Variants in DGKB observed in about 807,000 individuals in gnomAD.
DGKB encodes the protein 90 kDa diacylglycerol kinase.
A neutral mutation model predicts 114.3 loss-of-function variants in DGKB; 67 were observed. The ratio of observed to expected loss-of-function variants is 0.59; its 90% confidence interval spans 0.48 to 0.72. The LOEUF (loss-of-function observed/expected upper bound fraction) is 0.72. Ranked by LOEUF, DGKB falls within the 30% of genes least tolerant of loss-of-function variation. The pLI is 0.00. For missense variants in DGKB, 907 were observed against 975.2 expected (o/e 0.93, Z 0.93); for synonymous variants, 398 against 323.1 (o/e 1.23, Z -2.49).
At chr7:14,798,596 A>G (rs908967248) in intron 2 of DGKB, among the ~76,000 whole-genome samples, 1 of 152,206 alleles carries the variant, frequency 6.6e-6, no homozygotes, top group Non-Finnish European at 1.5e-5. Context: ...TCCCTACAGT[A>G]CACTGGGGAA....
At chr7:14,446,842 G>A (rs932503147) in intron 21 of DGKB, among the ~76,000 whole-genome samples, 1 of 152,106 alleles carries the variant, frequency 6.6e-6, no homozygotes, top group Admixed American at 6.6e-5. Flanking sequence ...GGCTGGCTAG[G>A]CAGATAGAGA....
chr7:14,184,587 A>T (rs1385362259), intron 23 of DGKB, among the ~76,000 whole-genome samples: 1 of 151,918 alleles, frequency 6.6e-6, no homozygotes. Context: ...GGGACCTGCA[A>T]ATCTCATCCC....
At chr7:14,826,345 A>T (rs555197536) in intron 2 of DGKB, among the ~76,000 whole-genome samples, 1 of 152,272 alleles carries the variant, frequency 6.6e-6, no homozygotes, top group Admixed American at 6.5e-5. Context: ...CACTTTCAAA[A>T]TTATCCTTTC....
chr7:14,850,135 T>C (rs181716541), intron 1 of DGKB, among the ~76,000 whole-genome samples: 7 of 152,280 alleles, frequency 4.6e-5, no homozygotes, highest in East Asian at 1.9e-4. Context: ...TAAATGACAA[T>C]TGAAGCATCC....
chr7:14,151,196 G>C (rs1264930053), intron 25 of DGKB, among the ~76,000 whole-genome samples: 1 of 151,910 alleles, frequency 6.6e-6, no homozygotes, highest in Non-Finnish European at 1.5e-5. Flanking sequence ...TGAGATTTCG[G>C]GTTCATAATT....
At chr7:14,456,463 A>T (rs1194572383) in intron 21 of DGKB, among the ~76,000 whole-genome samples, 1 of 152,082 alleles carries the variant, frequency 6.6e-6, no homozygotes, top group Non-Finnish European at 1.5e-5. Context: ...ATACCTGCAC[A>T]AAACAATCCT....
chr7:14,259,407 CTA>C (rs71975347), intron 23 of DGKB, among the ~76,000 whole-genome samples: 18,410 of 107,496 alleles, frequency 0.17, 1,392 homozygotes, highest in African/African-American at 0.27. Context: ...CTCTCTCTCT[CTA>C]TATATATATA....
At chr7:14,955,823 A>C (rs1191485723) in intron 1 of DGKB, among the ~76,000 whole-genome samples, 1 of 152,060 alleles carries the variant, frequency 6.6e-6, no homozygotes, top group Non-Finnish European at 1.5e-5. Context: ...GGTAATCACC[A>C]TGTAAGTAAT....
intron 5 of DGKB, among the ~76,000 whole-genome samples, chr7:14,720,957 C>A (rs2128357684): frequency 6.6e-6 from 1 of 152,064 alleles, no homozygotes; most frequent in East Asian, 1.9e-4. Flanking sequence ...TTGGCGCTGA[C>A]CCTTGACATG....
chr7:14,972,741 G>C (rs1305111155), intron 1 of DGKB, among the ~76,000 whole-genome samples: 1 of 151,524 alleles, frequency 6.6e-6, no homozygotes, highest in Non-Finnish European at 1.5e-5. Flanking sequence ...TAGGAAATTG[G>C]ATTCTAAGTT....
intron 8 of DGKB, 41 bp from the exon 9 acceptor site, chr7:14,694,235 T>C (rs1585716236): frequency 6.5e-7 from 1 of 1,530,948 alleles, no homozygotes; most frequent in African/African-American, 1.4e-5. Context: ...GGTCAACCAA[T>C]AAAATAAATT....
intron 21 of DGKB, among the ~76,000 whole-genome samples, chr7:14,356,350 T>C (rs1161515659): frequency 1.4e-5 from 2 of 144,644 alleles, no homozygotes; most frequent in African/African-American, 5.1e-5. Context: ...GCTTCTCTAG[T>C]TCTTTTTTTT....
At chr7:14,721,654 A>G (rs1829189683) in intron 5 of DGKB, among the ~76,000 whole-genome samples, 1 of 152,190 alleles carries the variant, frequency 6.6e-6, no homozygotes. Flanking sequence ...GCTTATATAA[A>G]AGAAATATGG....
chr7:14,838,423 A>C (rs2128133667), intron 2 of DGKB, among the ~76,000 whole-genome samples: 1 of 152,288 alleles, frequency 6.6e-6, no homozygotes, highest in Non-Finnish European at 1.5e-5. Context: ...TTTAATAAAC[A>C]AGCCAAATTC....
chr7:14,527,512 G>A (rs1307340613), intron 20 of DGKB, among the ~76,000 whole-genome samples: 1 of 151,946 alleles, frequency 6.6e-6, no homozygotes, highest in African/African-American at 2.4e-5. Context: ...TTATTATACT[G>A]AAGAACACAC....
chr7:14,705,442 C>T (rs371812640), intron 6 of DGKB, among the ~76,000 whole-genome samples: 23 of 151,478 alleles, frequency 1.5e-4, no homozygotes, highest in African/African-American at 4.8e-4. Flanking sequence ...GGCAGGCCAA[C>T]GTTCAGATTC....
chr7:14,149,314 T>A (rs1431587635), intron 25 of DGKB, 76 bp from the exon 26 acceptor site: 1 of 1,041,560 alleles, frequency 9.6e-7, no homozygotes, highest in African/African-American at 1.6e-5. Context: ...TTTGTGAGAC[T>A]CTCTGTTAAG....
At chr7:14,232,625 A>C (rs1306727526) in intron 23 of DGKB, among the ~76,000 whole-genome samples, 1 of 151,918 alleles carries the variant, frequency 6.6e-6, no homozygotes, top group African/African-American at 2.4e-5. Context: ...TATAGCATGC[A>C]CTCAGGACTA....
At chr7:14,370,002 T>C (rs1421157795) in intron 21 of DGKB, among the ~76,000 whole-genome samples, 1 of 152,238 alleles carries the variant, frequency 6.6e-6, no homozygotes, top group Non-Finnish European at 1.5e-5. Context: ...TTTGGTGTTT[T>C]AGTCGTGAAG....
Sources: gnomAD v4.1 joint callset for allele counts (sites outside exome capture counted in the v4.1 genomes callset) on GRCh38, gnomAD v4.1.1 for gene constraint, MANE v1.5 for transcripts, NCBI Gene and HGNC (gene_info 2026-07-23, HGNC 2026-07-21) for gene names.